Variants in CEP57 observed in about 807,000 individuals in gnomAD.
CEP57 encodes centrosomal protein of 57 kDa.
In CEP57, 40 loss-of-function variants were observed where a neutral mutation model predicts 68.0. The observed-to-expected ratio is 0.59, with a 90% CI of 0.46 to 0.77. The LOEUF (loss-of-function observed/expected upper bound fraction) is 0.77. CEP57 is among the 30% of genes least tolerant of loss of function. The pLI is 0.00. For missense variants in CEP57, 606 were observed against 580.7 expected (o/e 1.04, Z -0.45); for synonymous variants, 219 against 198.7 (o/e 1.10, Z -0.86).
intron 6 of CEP57, among the ~76,000 whole-genome samples, chr11:95,820,848 C>T (rs1339922589): frequency 6.6e-6 from 1 of 152,016 alleles, no homozygotes; most frequent in African/African-American, 2.4e-5. Context: ...ATATATAAAG[C>T]AATGTTAGGT....
At chr11:95,818,469 T>G (rs1862395092) in intron 5 of CEP57, among the ~76,000 whole-genome samples, 1 of 152,198 alleles carries the variant, frequency 6.6e-6, no homozygotes, top group African/African-American at 2.4e-5. Context: ...TCACTTGGTT[T>G]AAGTTGCTCT....
chr11:95,791,690 G>A (rs1287842420), intron 1 of CEP57, among the ~76,000 whole-genome samples: 1 of 152,206 alleles, frequency 6.6e-6, no homozygotes, highest in Non-Finnish European at 1.5e-5. Flanking sequence ...CAGTGCTTGG[G>A]TAGGCTAGAG....
chr11:95,818,441 G>A (rs1862393809), intron 5 of CEP57, among the ~76,000 whole-genome samples: 1 of 151,876 alleles, frequency 6.6e-6, no homozygotes, highest in South Asian at 2.1e-4. Context: ...ATGTTTTTGA[G>A]TATCCTTAAG....
chr11:95,831,408 G>A lies in CEP57; in HGVS notation c.*152G>A. 1.6e-6 allele frequency: 1 copy of A among 635,624 alleles called. No individual in the cohort carries two copies. Among genetic ancestry groups the A allele is most frequent in the South Asian group, 1.9e-5 (1 of 52,680 alleles). The allele number at this position is 635,624 out of a possible 1,614,324, so 39.4% of individuals were successfully genotyped here. A position where few individuals can be genotyped will look rare whatever the true frequency, so the allele number is the denominator to read the frequency against. ...AGGCTTCATTACACAGGCTTTTCAT[G>A]TATGCAGGATGACTCAATGTTAAAG... On this transcript the variant is annotated 3_prime_UTR_variant, in exon 11 of 11. Coordinates refer to ENST00000325542, the MANE Select transcript of CEP57 (RefSeq NM_014679.5).
intron 1 of CEP57, among the ~76,000 whole-genome samples, chr11:95,798,690 A>G (rs1228814299): frequency 6.6e-6 from 1 of 152,248 alleles, no homozygotes; most frequent in East Asian, 1.9e-4. Context: ...TGTACTGTGG[A>G]AATAAAGTTT....
In CEP57 at chr11:95,790,512, T is replaced by A; in HGVS notation, c.-187T>A. On this transcript the variant is annotated 5_prime_UTR_variant, in exon 1 of 11. Transcript: ENST00000325542. ...GACGTGTTGCCCTTTCTGTGTAAGCTGTGAGCGTAGGCGGCCCTGAGGGGG... is the reference window on the plus strand; with the variant it reads ...GACGTGTTGCCCTTTCTGTGTAAGCAGTGAGCGTAGGCGGCCCTGAGGGGG... 1.6e-6 allele frequency: 1 copy of A among 636,634 alleles called. No individual in the cohort carries two copies. Among genetic ancestry groups the A allele is most frequent in the Non-Finnish European group, 2.8e-6 (1 of 362,782 alleles). The allele number at this position is 636,634 out of a possible 1,614,324, so 39.4% of individuals were successfully genotyped here.
chr11:95,814,077 C>G (rs370132631), intron 4 of CEP57, among the ~76,000 whole-genome samples: 1 of 152,008 alleles, frequency 6.6e-6, no homozygotes, highest in East Asian at 1.9e-4. Context: ...GGATCTCACT[C>G]TGTCTCACTC....
chr11:95,792,515 G>T (rs1861134375), intron 1 of CEP57, among the ~76,000 whole-genome samples: 1 of 152,204 alleles, frequency 6.6e-6, no homozygotes, highest in Non-Finnish European at 1.5e-5. Context: ...TAATTGAGCT[G>T]CACTATGCCA....
In CEP57 at chr11:95,818,013, A is replaced by T. The variant is rs1312408128; in HGVS notation, c.621+110A>T. The stretch of plus-strand genomic sequence containing the variant: ...TAGCATTAAAAGTGATCTTATAATG[A>T]AGAAATATATTGGAGTTTTAAAAAG... On this transcript the variant is annotated intron_variant, in intron 5 of 10. Coordinates refer to ENST00000325542, the MANE Select transcript of CEP57 (RefSeq NM_014679.5). 4 of 743,970 alleles carry T rather than the reference A, an allele frequency of 5.4e-6. No homozygotes were observed. The Admixed American group carries it at 8.2e-5, about 15-fold the overall frequency. The allele number at this position is 743,970 out of a possible 1,614,324, so 46.1% of individuals were successfully genotyped here.
chr11:95,829,057 A>G (rs1314989566), intron 9 of CEP57, 130 bp from the exon 10 acceptor site: 14 of 959,488 alleles, frequency 1.5e-5, no homozygotes, highest in African/African-American at 3.3e-5. Flanking sequence ...AAAAAAAAAA[A>G]TTTATTGCTC....
intron 2 of CEP57, among the ~76,000 whole-genome samples, chr11:95,800,323 T>C (rs752842325): frequency 3.3e-5 from 5 of 152,200 alleles, no homozygotes; most frequent in Non-Finnish European, 5.9e-5. Flanking sequence ...GAAACTGTCC[T>C]CCTTCCTTCA....
At chr11:95,817,938 TC>T in intron 5 of CEP57, 35 bp downstream of exon 5, 1 of 1,306,848 alleles carries the variant, frequency 7.7e-7, no homozygotes, top group Non-Finnish European at 1.1e-6. Context: ...TTAACATATA[TC>T]AGGGTGGTTT....
chr11:95,813,026 A>T lies in CEP57; in HGVS notation c.297A>T (p.Arg99Ser), dbSNP rs1227554215. Reference protein sequence around the residue: ...QAEESVKTLSRETIEYKKVLD... With the variant: ...QAEESVKTLSSETIEYKKVLD... ...AAGAAAGTGTGAAAACCTTGTCTAGAGAAACAATTGAATATAAGAAAGTAC... is the reference window on the plus strand; with the variant it reads ...AAGAAAGTGTGAAAACCTTGTCTAGTGAAACAATTGAATATAAGAAAGTAC... The change falls in exon 3 of 11, where the codon AGA (arginine) becomes AGT (serine). Residue 99 changes from arginine (R) to serine (S), a missense_variant. Transcript: ENST00000325542. 1.9e-6 allele frequency: 3 copies of T among 1,614,014 alleles called. No individual in the cohort carries two copies. The highest frequency in any genetic ancestry group is 2.5e-6 in the Non-Finnish European group (3 of 1,179,954).
intron 2 of CEP57, among the ~76,000 whole-genome samples, chr11:95,811,019 G>C (rs1862036908): frequency 6.6e-6 from 1 of 152,220 alleles, no homozygotes. Flanking sequence ...CATTGTGGAA[G>C]ACTGTGGCGA....
intron 2 of CEP57, among the ~76,000 whole-genome samples, chr11:95,800,964 C>G (rs560865283): frequency 2.6e-4 from 39 of 152,186 alleles, no homozygotes; most frequent in African/African-American, 8.7e-4. Flanking sequence ...TGTTTAATCA[C>G]TAATATTGCA....
Position 95,832,453 on chromosome 11 carries a change from G to A in CEP57, c.*1197G>A, listed in dbSNP as rs1448357735. 6.6e-6 allele frequency: 1 copy of A among 152,064 alleles called. No individual in the cohort carries two copies. The highest frequency in any genetic ancestry group is 1.9e-4 in the East Asian group (1 of 5,204). 9.4% of individuals were successfully genotyped at this position (152,064 alleles called of 1,614,324 possible). The stretch of plus-strand genomic sequence containing the variant: ...TTTAATTTAGGATCCTTAAGATTTT[G>A]GGGTATTATTTGTGACTCTCCTGAA... On this transcript the variant is annotated 3_prime_UTR_variant, in exon 11 of 11. Transcript: ENST00000325542.
intron 2 of CEP57, among the ~76,000 whole-genome samples, chr11:95,810,824 C>T (rs1043407199): frequency 2.6e-5 from 4 of 152,166 alleles, no homozygotes; most frequent in African/African-American, 4.8e-5. Context: ...CACTGACTTT[C>T]GTCACAGAAT....
chr11:95,806,295 G>A (rs1266009138), intron 2 of CEP57, among the ~76,000 whole-genome samples: 1 of 152,210 alleles, frequency 6.6e-6, no homozygotes, highest in Non-Finnish European at 1.5e-5. Context: ...CCAGTCTACA[G>A]CTCCCAGTGT....
chr11:95,790,708 G>C lies in CEP57; in HGVS notation c.10G>C (p.Ala4Pro), dbSNP rs761028350. 3.7e-6 allele frequency: 6 copies of C among 1,613,962 alleles called. No homozygotes were observed. The highest frequency in any genetic ancestry group is 4.5e-5 in the East Asian group (2 of 44,892). The change falls in exon 1 of 11, where the codon GCG (alanine) becomes CCG (proline). Residue 4 changes from alanine (A) to proline (P), a missense_variant. Transcript: ENST00000325542. The stretch of plus-strand genomic sequence containing the variant: ...CTGGGCAGGCTGAAAGATGGCGGCG[G>C]CGTCTGTCTCTGCGGCTTCTGGTTC... Reference protein sequence around the residue: MAAASVSAASGSHL... With the variant: MAAPSVSAASGSHL...
Sources: allele counts gnomAD v4.1 joint callset (sites outside exome capture counted in the v4.1 genomes callset), GRCh38; gene constraint gnomAD v4.1.1; transcripts MANE v1.5; gene names NCBI Gene and HGNC (gene_info 2026-07-23, HGNC 2026-07-21).